The following FAXC variants were observed in gnomAD, a reference collection of about 807,000 sequenced individuals.
FAXC encodes failed axon connections homolog, metaxin like GST domain containing.
FAXC carries 10 observed loss-of-function variants against 41.9 expected under a neutral mutation model. The ratio of observed to expected loss-of-function variants is 0.24; its 90% CI spans 0.15 to 0.41. The LOEUF is 0.41. FAXC is among the 10% of genes least tolerant of loss of function. The pLI is 1.00. For missense variants in FAXC, 399 were observed against 510.9 expected (o/e 0.78, Z 2.11); for synonymous variants, 183 against 183.8 (o/e 1.00, Z 0.03).
Position 99,276,713 on chromosome 6 carries a change from C to T in FAXC, c.*4451G>A, listed in dbSNP as rs1033017116. On this transcript the variant is annotated 3_prime_UTR_variant, in exon 6 of 6. Transcript: ENST00000389677. ...GGAACAAGACTCTTTAACTGGGGTC[C>T]ATTAACCCCCTGAGGAAACCATGGA... 6.6e-6 allele frequency: 1 copy of T among 152,130 alleles called. No individual in the cohort carries two copies. The highest frequency in any genetic ancestry group is 2.4e-5 in the African/African-American group (1 of 41,430). The allele number at this position is 152,130 out of a possible 1,614,324, so 9.4% of individuals were successfully genotyped here.
At chr6:99,288,847 G>GACAC (rs11274408) in intron 5 of FAXC, among the ~76,000 whole-genome samples, 17,333 of 69,202 alleles carry the variant, frequency 0.25, 1,352 homozygotes, top group Middle Eastern at 0.32. Context: ...CACATGAATC[G>GACAC]ACACACACAC....
At chr6:99,300,936 G>C (rs148314605) in intron 4 of FAXC, among the ~76,000 whole-genome samples, 1 of 152,358 alleles carries the variant, frequency 6.6e-6, no homozygotes, top group African/African-American at 2.4e-5. Flanking sequence ...GAGGTTTTGT[G>C]TTTGGCCCTC....
intron 4 of FAXC, among the ~76,000 whole-genome samples, chr6:99,319,248 A>T (rs931418603): frequency 2.0e-5 from 3 of 152,136 alleles, no homozygotes; most frequent in Admixed American, 1.3e-4. Flanking sequence ...ATACAAAAAA[A>T]ATTAGCCAGA....
intron 4 of FAXC, among the ~76,000 whole-genome samples, chr6:99,315,352 C>T (rs1003801526): frequency 6.6e-6 from 1 of 150,718 alleles, no homozygotes; most frequent in Non-Finnish European, 1.5e-5. Context: ...AAAAAAATTC[C>T]TCACTGCACT....
At chr6:99,309,972 AT>A in intron 4 of FAXC, 1 of 912,296 alleles carries the variant, frequency 1.1e-6, no homozygotes, top group Non-Finnish European at 1.3e-6. Context: ...AAGCACTGTC[AT>A]TTGCTGAGTG....
intron 3 of FAXC, among the ~76,000 whole-genome samples, chr6:99,326,037 G>C (rs1772790572): frequency 6.6e-6 from 1 of 152,222 alleles, no homozygotes; most frequent in Non-Finnish European, 1.5e-5. Flanking sequence ...GGGCACGTGG[G>C]TACAGGCTGC....
intron 4 of FAXC, among the ~76,000 whole-genome samples, chr6:99,304,686 T>C (rs1056207269): frequency 2.0e-5 from 3 of 152,258 alleles, no homozygotes; most frequent in South Asian, 2.1e-4. Context: ...CAAATAGTTA[T>C]TGAGTGCCTA....
At chr6:99,295,088 G>A (rs566143837) in intron 4 of FAXC, among the ~76,000 whole-genome samples, 1 of 152,306 alleles carries the variant, frequency 6.6e-6, no homozygotes, top group South Asian at 2.1e-4. Context: ...GGATGCTTTT[G>A]TCAGGAAGGA....
rs1003396719 is a variant in FAXC, at chr6:99,274,917, A to G, written c.*6247T>C. 2.0e-5 allele frequency: 3 copies of G among 152,216 alleles called. No individual in the cohort carries two copies. Among genetic ancestry groups the G allele is most frequent in the African/African-American group, 7.2e-5 (3 of 41,456 alleles). The allele number at this position is 152,216 out of a possible 1,614,324, so 9.4% of individuals were successfully genotyped here. On this transcript the variant is annotated 3_prime_UTR_variant, in exon 6 of 6. Transcript: ENST00000389677. ...TGATTATTTTTTAAAGAGGAGGAAGACAGTAAATATTCAGAGCATTCCTCT... is the reference window on the plus strand; with the variant it reads ...TGATTATTTTTTAAAGAGGAGGAAGGCAGTAAATATTCAGAGCATTCCTCT...
At chr6:99,283,788 T>C (rs1770918564) in intron 5 of FAXC, among the ~76,000 whole-genome samples, 1 of 152,118 alleles carries the variant, frequency 6.6e-6, no homozygotes, top group South Asian at 2.1e-4. Context: ...TAAAGAGACA[T>C]CAAAGATGAA....
chr6:99,311,610 A>C (rs60611136), intron 4 of FAXC, among the ~76,000 whole-genome samples: 1,885 of 152,186 alleles, frequency 0.012, 26 homozygotes, highest in East Asian at 0.047. Flanking sequence ...TACATACATA[A>C]ATAAAATCAT....
chr6:99,330,652 T>C (rs1031020436), intron 3 of FAXC, among the ~76,000 whole-genome samples: 8 of 152,190 alleles, frequency 5.3e-5, no homozygotes, highest in Admixed American at 1.3e-4. Context: ...ATATGAAAAC[T>C]CCACATAATT....
chr6:99,302,553 G>A (rs747763342), intron 4 of FAXC, among the ~76,000 whole-genome samples: 4 of 152,130 alleles, frequency 2.6e-5, no homozygotes, highest in African/African-American at 4.8e-5. Context: ...CTACTCAGGA[G>A]GCTGAGGCAG....
At chr6:99,344,248 T>C (rs1192592191) in intron 1 of FAXC, among the ~76,000 whole-genome samples, 1 of 152,216 alleles carries the variant, frequency 6.6e-6, no homozygotes, top group Non-Finnish European at 1.5e-5. Flanking sequence ...GTCTCATCCC[T>C]GCAAGCTCAT....
At chr6:99,333,588 T>G (rs1028911306) in intron 2 of FAXC, 41 bp from the exon 3 acceptor site, 2 of 1,482,114 alleles carry the variant, frequency 1.3e-6, no homozygotes, top group Non-Finnish European at 1.8e-6. Context: ...AGCAATATTG[T>G]ATTTAAATTC....
intron 5 of FAXC, among the ~76,000 whole-genome samples, chr6:99,282,516 T>C (rs561238183): frequency 1.3e-5 from 2 of 152,318 alleles, no homozygotes; most frequent in African/African-American, 4.8e-5. Context: ...CTAGATTACT[T>C]CTTTTTTATG....
At position 99,274,029 on chromosome 6, in the gene FAXC, T is replaced by C. The variant is rs1770512179; in HGVS notation, c.*7135A>G. 6.6e-6 allele frequency: 1 copy of C among 152,308 alleles called. No homozygotes were observed. Among genetic ancestry groups the C allele is most frequent in the East Asian group, 1.9e-4 (1 of 5,190 alleles). The allele number at this position is 152,308 out of a possible 1,614,324, so 9.4% of individuals were successfully genotyped here. On this transcript the variant is annotated 3_prime_UTR_variant, in exon 6 of 6. Coordinates refer to ENST00000389677, the MANE Select transcript of FAXC (RefSeq NM_032511.4). Reference sequence around the variant, plus strand: ...TGTCTGCAAACATTTAAAAGACTTCTCTAAAACAAAATGTACATTACTTTG... The same window carrying C: ...TGTCTGCAAACATTTAAAAGACTTCCCTAAAACAAAATGTACATTACTTTG...
At position 99,318,222 on chromosome 6, in the gene FAXC, G is replaced by A. The variant is rs190168150; in HGVS notation, c.823+5222C>T. Among the ~76,000 whole-genome samples the A allele has an allele frequency of 6.5e-3, 960 of 148,658 alleles. 10 individuals carry two copies. Among genetic ancestry groups the A allele is most frequent in the African/African-American group, 0.019 (751 of 40,338 alleles). ...TGCAGTGAGCCAAGACGGCGCCACT[G>A]CACTCCAGCCTGGGCGACAGAGCAA... On this transcript the variant is annotated intron_variant, in intron 4 of 5. Transcript: ENST00000389677.
At chr6:99,314,711 T>TCAG (rs1269566386) in intron 4 of FAXC, among the ~76,000 whole-genome samples, 3 of 152,316 alleles carry the variant, frequency 2.0e-5, no homozygotes, top group Non-Finnish European at 4.4e-5. Flanking sequence ...GACTGTGAGC[T>TCAG]CAGCCCCTGC....
Sources: allele counts gnomAD v4.1 joint callset (sites outside exome capture counted in the v4.1 genomes callset), GRCh38; gene constraint gnomAD v4.1.1; transcripts MANE v1.5; gene names NCBI Gene and HGNC (gene_info 2026-07-23, HGNC 2026-07-21).